Variants in RBM25 observed in about 807,000 individuals in gnomAD.
RBM25 encodes RNA binding motif protein 25.
Under a neutral mutation model 120.7 loss-of-function variants are expected in RBM25, and 19 were observed. The observed-to-expected ratio is 0.16, with a 90% CI of 0.11 to 0.23. RBM25 has a LOEUF of 0.23. Among genes scored for constraint, RBM25 ranks in the 10% least tolerant of loss-of-function variants. The pLI is 1.00. For synonymous variants in RBM25, 390 were observed against 326.7 expected (o/e 1.19, Z -2.09); for missense variants, 605 against 1,041.5 (o/e 0.58, Z 5.77).
chr14:73,120,927 T>A lies in RBM25; in HGVS notation c.*1122T>A, dbSNP rs1896529725. 1 of 152,188 alleles carries A rather than the reference T, an allele frequency of 6.6e-6. No homozygotes were observed. Among genetic ancestry groups the A allele is most frequent in the Non-Finnish European group, 1.5e-5 (1 of 68,028 alleles). 9.4% of individuals were successfully genotyped at this position (152,188 alleles called of 1,614,324 possible). ...CCAACCACTAACTATTTGTTTTCAT[T>A]TTTGTCTTGTAGAAGGTTTATATCT... On this transcript the variant is annotated 3_prime_UTR_variant, in exon 19 of 19. Coordinates refer to ENST00000261973, the MANE Select transcript of RBM25 (RefSeq NM_021239.3).
chr14:73,062,130 A>C (rs1895018458), intron 1 of RBM25, among the ~76,000 whole-genome samples: 1 of 151,466 alleles, frequency 6.6e-6, no homozygotes, highest in Admixed American at 6.6e-5. Context: ...AGGCAGGCAC[A>C]GGAGTGTTGC....
At chr14:73,097,459 A>G (rs1034632464) in intron 7 of RBM25, among the ~76,000 whole-genome samples, 1 of 151,914 alleles carries the variant, frequency 6.6e-6, no homozygotes, top group Non-Finnish European at 1.5e-5. Context: ...TCGGCCTCCC[A>G]CAGTGCTGGG....
chr14:73,113,903 T>A (rs1896369725), intron 17 of RBM25, among the ~76,000 whole-genome samples: 1 of 152,200 alleles, frequency 6.6e-6, no homozygotes, highest in Non-Finnish European at 1.5e-5. Flanking sequence ...AACATAGTCT[T>A]AACTTTAATA....
At position 73,117,210 on chromosome 14, in the gene RBM25, C is replaced by CTTTTTTTTTTTTTTTTTTTTTT. The variant is rs71112704; in HGVS notation, c.2440-2490_2440-2469dup. On this transcript the variant is annotated intron_variant, in intron 18 of 18. Transcript: ENST00000261973. ...TTTCTTTTAATTTCTTTCTTCTTTTCTTTTTTTTTTTTTTTTTTTTTTTTT... is the reference window on the plus strand; with the variant it reads ...TTTCTTTTAATTTCTTTCTTCTTTTCTTTTTTTTTTTTTTTTTTTTTTTTTTTTTTTTTTTTTTTTTTTTTTT... Among the ~76,000 whole-genome samples the CTTTTTTTTTTTTTTTTTTTTTT allele has an allele frequency of 4.0e-4, 20 of 49,432 alleles. 1 individual carries two copies. The highest frequency in any genetic ancestry group is 5.9e-4 in the Non-Finnish European group (16 of 27,338). The allele number at this position is 49,432 out of a possible 152,430, so 32.4% of individuals were successfully genotyped here. A position where few individuals can be genotyped will look rare whatever the true frequency, so the allele number is the denominator to read the frequency against.
chr14:73,111,423 A>G lies in RBM25; in HGVS notation c.2018-105A>G, dbSNP rs1333570736. ...TTTTTTACAGTTGGGATCTTTCTCT[A>G]AGATTTGTGGAAGTATATTTTGCAT... On this transcript the variant is annotated intron_variant, in intron 15 of 18. Coordinates refer to ENST00000261973, the MANE Select transcript of RBM25 (RefSeq NM_021239.3). 5.5e-6 allele frequency: 7 copies of G among 1,268,776 alleles called. No individual in the cohort carries two copies. In the East Asian group the frequency reaches 1.6e-4, roughly 30 times the overall value. 78.6% of individuals were successfully genotyped at this position (1,268,776 alleles called of 1,614,324 possible). A position where few individuals can be genotyped will look rare whatever the true frequency, so the allele number is the denominator to read the frequency against.
At chr14:73,111,896 A>G (rs751856162) in intron 16 of RBM25, 94 bp downstream of exon 16, 306 of 1,387,000 alleles carry the variant, frequency 2.2e-4, no homozygotes, top group Non-Finnish European at 2.9e-4. Flanking sequence ...ATTTGATTCT[A>G]TTAATGACAA....
intron 5 of RBM25, among the ~76,000 whole-genome samples, chr14:73,085,484 G>T (rs116793443): frequency 0.022 from 3,305 of 148,558 alleles, 255 homozygotes; most frequent in African/African-American, 0.074. Context: ...CGCTCTTGTT[G>T]CCCAGACTGG....
At position 73,117,210 on chromosome 14, in the gene RBM25, C is replaced by CTTTTTTTTTTTTTTTTTTTTT. The variant is rs71112704; in HGVS notation, c.2440-2489_2440-2469dup. Among the ~76,000 whole-genome samples, 27 of 49,430 alleles carry CTTTTTTTTTTTTTTTTTTTTT rather than the reference C, an allele frequency of 5.5e-4. 1 individual carries two copies. Among genetic ancestry groups the CTTTTTTTTTTTTTTTTTTTTT allele is most frequent in the African/African-American group, 9.1e-4 (12 of 13,240 alleles). 32.4% of individuals were successfully genotyped at this position (49,430 alleles called of 152,430 possible). On this transcript the variant is annotated intron_variant, in intron 18 of 18. Coordinates refer to ENST00000261973, the MANE Select transcript of RBM25 (RefSeq NM_021239.3). Reference sequence around the variant, plus strand: ...TTTCTTTTAATTTCTTTCTTCTTTTCTTTTTTTTTTTTTTTTTTTTTTTTT... The same window carrying CTTTTTTTTTTTTTTTTTTTTT: ...TTTCTTTTAATTTCTTTCTTCTTTTCTTTTTTTTTTTTTTTTTTTTTTTTTTTTTTTTTTTTTTTTTTTTTT...
At position 73,060,273 on chromosome 14, in the gene RBM25, G is replaced by T. The variant is rs148062007; in HGVS notation, c.-16+1568G>T. On this transcript the variant is annotated intron_variant, in intron 1 of 18. Transcript: ENST00000261973. ...AGAATGGTCTCGATTTCCTGACCTC[G>T]TGATCCGCCCGCCTAGGCCCCAAAG... 6.1e-4 allele frequency among the ~76,000 whole-genome samples: 92 copies of T among 151,490 alleles called. 3 individuals are homozygous for T. Among genetic ancestry groups the T allele is most frequent in the Non-Finnish European group, 1.0e-3 (70 of 67,568 alleles).
chr14:73,083,445 A>C (rs187650584), intron 4 of RBM25, 49 bp from the exon 5 acceptor site: 1 of 1,408,352 alleles, frequency 7.1e-7, no homozygotes, highest in Admixed American at 2.7e-5. Context: ...TACATTAAAA[A>C]TTATTTTGTT....
chr14:73,112,750 G>A (rs747907364), intron 17 of RBM25, among the ~76,000 whole-genome samples: 5 of 151,866 alleles, frequency 3.3e-5, no homozygotes, highest in African/African-American at 4.8e-5. Flanking sequence ...CTGTGTTCTC[G>A]GCAGGTATTG....
chr14:73,080,377 C>T (rs956883967), intron 4 of RBM25, among the ~76,000 whole-genome samples: 4 of 151,832 alleles, frequency 2.6e-5, no homozygotes, highest in African/African-American at 9.7e-5. Context: ...GCGCCCGCCA[C>T]CATGCCCGGC....
intron 1 of RBM25, among the ~76,000 whole-genome samples, chr14:73,067,354 A>C (rs904029487): frequency 6.6e-6 from 1 of 152,170 alleles, no homozygotes. Flanking sequence ...AGTGGAGCCA[A>C]CTGTTAATGT....
intron 10 of RBM25, among the ~76,000 whole-genome samples, chr14:73,104,324 C>T (rs1896134288): frequency 6.6e-6 from 1 of 151,210 alleles, no homozygotes; most frequent in African/African-American, 2.4e-5. Flanking sequence ...AGTAATTTTA[C>T]TCTTTGGAAG....
At chr14:73,103,948 T>TCTCACACACACA (rs1594928335) in intron 10 of RBM25, among the ~76,000 whole-genome samples, 14 of 91,346 alleles carry the variant, frequency 1.5e-4, no homozygotes, top group Non-Finnish European at 2.7e-4. Flanking sequence ...TCTCTCTCTC[T>TCTCACACACACA]CACACACACA....
chr14:73,086,867 G>A (rs938826857), intron 5 of RBM25, among the ~76,000 whole-genome samples: 15 of 152,074 alleles, frequency 9.9e-5, no homozygotes, highest in African/African-American at 3.4e-4. Context: ...ACCACACCCA[G>A]CTAGTTTTTG....
At chr14:73,115,856 A>G (rs1213458159) in intron 18 of RBM25, among the ~76,000 whole-genome samples, 1 of 152,222 alleles carries the variant, frequency 6.6e-6, no homozygotes, top group African/African-American at 2.4e-5. Context: ...CAGAGTGTAG[A>G]AAGTTCAAGT....
At chr14:73,069,663 C>T (rs1895226544) in intron 1 of RBM25, among the ~76,000 whole-genome samples, 1 of 147,678 alleles carries the variant, frequency 6.8e-6, no homozygotes, top group South Asian at 2.1e-4. Context: ...GAACTCCCAA[C>T]CTCAGGTCAT....
In RBM25 at chr14:73,103,491, A is replaced by G; in HGVS notation, c.1154+13A>G. The G allele has an allele frequency of 1.9e-6, 3 of 1,557,850 alleles. No individual in the cohort carries two copies. The highest frequency in any genetic ancestry group is 2.6e-6 in the Non-Finnish European group (3 of 1,155,006). On this transcript the variant is annotated intron_variant, in intron 10 of 18. Coordinates refer to ENST00000261973, the MANE Select transcript of RBM25 (RefSeq NM_021239.3). ...GCAGTCGATCAAGGTAAGGCTTTACAGAAGTTACTGTTTCCTGATAGCTTT... is the reference window on the plus strand; with the variant it reads ...GCAGTCGATCAAGGTAAGGCTTTACGGAAGTTACTGTTTCCTGATAGCTTT...
Sources: allele counts gnomAD v4.1 joint callset (sites outside exome capture counted in the v4.1 genomes callset), GRCh38; gene constraint gnomAD v4.1.1; transcripts MANE v1.5; gene names NCBI Gene and HGNC (gene_info 2026-07-23, HGNC 2026-07-21).